FSIP1: variants seen among roughly 807,000 people sequenced by gnomAD.
The protein encoded by FSIP1 is fibrous sheath interacting protein 1.
In FSIP1, 65 loss-of-function variants were observed where a neutral mutation model predicts 60.9. The ratio of observed to expected loss-of-function variants is 1.07; its 90% CI spans 0.87 to 1.31. The LOEUF is 1.31. Among genes scored for constraint, FSIP1 ranks in the 40% most tolerant of loss-of-function variants. FSIP1 has a pLI of 0.00. For synonymous variants in FSIP1, 209 were observed against 221.2 expected, an observed-to-expected ratio of 0.94 and a Z score of 0.49; for missense variants, 675 against 665.5, an observed-to-expected ratio of 1.01 and a Z score of -0.16.
At chr15:39,687,131 CT>C (rs1257222795) in intron 10 of FSIP1, among the ~76,000 whole-genome samples, 2 of 46,302 alleles carry the variant, frequency 4.3e-5, no homozygotes, top group Non-Finnish European at 8.6e-5. Context: ...TCTTTCTTTT[CT>C]TTTCCTTTTT....
intron 10 of FSIP1, among the ~76,000 whole-genome samples, chr15:39,637,896 G>A (rs897734210): frequency 6.6e-6 from 1 of 152,166 alleles, no homozygotes; most frequent in African/African-American, 2.4e-5. Flanking sequence ...GCCAAAGTTG[G>A]AAAATTTTCA....
chr15:39,695,529 T>C (rs995933934), intron 10 of FSIP1, among the ~76,000 whole-genome samples: 5 of 152,184 alleles, frequency 3.3e-5, no homozygotes, highest in African/African-American at 1.2e-4. Flanking sequence ...GACACAAATT[T>C]AATGTTACTA....
intron 5 of FSIP1, among the ~76,000 whole-genome samples, chr15:39,758,154 A>T (rs1306310341): frequency 6.6e-6 from 1 of 152,074 alleles, no homozygotes; most frequent in African/African-American, 2.4e-5. Context: ...GTGAGCATAG[A>T]TTTAAGTCAA....
At chr15:39,648,033 G>C (rs949958547) in intron 10 of FSIP1, among the ~76,000 whole-genome samples, 1 of 151,656 alleles carries the variant, frequency 6.6e-6, no homozygotes, top group Non-Finnish European at 1.5e-5. Flanking sequence ...TGGGGGGAGC[G>C]GGGAGGGATA....
intron 11 of FSIP1, chr15:39,602,321 T>C (rs1804582095): frequency 2.2e-6 from 1 of 456,290 alleles, no homozygotes; most frequent in Non-Finnish European, 4.4e-6. Flanking sequence ...GGAAGAAGCA[T>C]GGAAGCGTTC....
chr15:39,654,424 T>C (rs963575901), intron 10 of FSIP1, among the ~76,000 whole-genome samples: 4 of 152,130 alleles, frequency 2.6e-5, no homozygotes, highest in Non-Finnish European at 5.9e-5. Flanking sequence ...TATAATCTTA[T>C]GGGACCACCG....
chr15:39,619,585 C>A (rs1891368695), intron 10 of FSIP1, among the ~76,000 whole-genome samples: 1 of 152,094 alleles, frequency 6.6e-6, no homozygotes, highest in Non-Finnish European at 1.5e-5. Flanking sequence ...CTTTTAGTCA[C>A]TAGGCATTTC....
chr15:39,617,753 G>C lies in FSIP1; in HGVS notation c.1681C>G (p.Pro561Ala), dbSNP rs766264299. ...SEDQHLKLSS[P>A]ENTIADEQET... Reference sequence around the variant, plus strand: ...GCCTCACCTGCTATTGTATTCTCTGGAGAACTGAGTTTCAGATGTTGGTCT... The same window carrying C: ...GCCTCACCTGCTATTGTATTCTCTGCAGAACTGAGTTTCAGATGTTGGTCT... Residue 561 changes from proline (P) to alanine (A), a missense_variant, in exon 11 of 12, where the codon CCA becomes GCA. Pro to Ala is a conservative substitution (Grantham distance 27). Coordinates refer to ENST00000350221, the MANE Select transcript of FSIP1 (RefSeq NM_152597.5). 1 of 1,613,288 alleles carries C rather than the reference G, an allele frequency of 6.2e-7. No homozygotes were observed.
chr15:39,732,201 T>A (rs144933921), intron 8 of FSIP1, among the ~76,000 whole-genome samples: 14 of 152,100 alleles, frequency 9.2e-5, no homozygotes, highest in Non-Finnish European at 5.9e-5. Context: ...ACAGCTCAGG[T>A]GGTAATGCTC....
intron 1 of FSIP1, among the ~76,000 whole-genome samples, chr15:39,777,824 T>C (rs1178234806): frequency 6.6e-6 from 1 of 152,216 alleles, no homozygotes; most frequent in Non-Finnish European, 1.5e-5. Context: ...GGCAATTGCC[T>C]CTACCCAACA....
intron 10 of FSIP1, among the ~76,000 whole-genome samples, chr15:39,688,122 T>G (rs1241210602): frequency 1.3e-5 from 2 of 152,326 alleles, no homozygotes; most frequent in South Asian, 2.1e-4. Context: ...TAGTCACTGC[T>G]GACAAAATCA....
chr15:39,600,894 A>G lies in FSIP1; in HGVS notation c.1732T>C (p.Cys578Arg), dbSNP rs1318236562. ...CAAGTCCTTGATTAGGGTTCTTTACATTCTTCTGCTGCATCTTTAGTCTCC... is the reference window on the plus strand; with the variant it reads ...CAAGTCCTTGATTAGGGTTCTTTACGTTCTTCTGCTGCATCTTTAGTCTCC... The part of the protein sequence containing the change: ...EQETKDAAEE[C>R]KEP The change falls in exon 12 of 12, where the codon TGT (cysteine) becomes CGT (arginine). Residue 578 changes from cysteine to arginine, a missense_variant. Coordinates refer to ENST00000350221, the MANE Select transcript of FSIP1 (RefSeq NM_152597.5). 1.2e-6 allele frequency: 2 copies of G among 1,610,544 alleles called. No homozygotes were observed. The highest frequency in any genetic ancestry group is 1.7e-6 in the Non-Finnish European group (2 of 1,178,860).
chr15:39,777,463 T>A (rs971492074), intron 1 of FSIP1, among the ~76,000 whole-genome samples: 1 of 152,192 alleles, frequency 6.6e-6, no homozygotes. Flanking sequence ...ACATTACCAA[T>A]CTATTTAACT....
chr15:39,765,501 C>T, intron 4 of FSIP1, 91 bp downstream of exon 4: 3 of 915,670 alleles, frequency 3.3e-6, no homozygotes, highest in Non-Finnish European at 3.2e-6. Flanking sequence ...GCCTCAGCCT[C>T]CCTAAGTGCT....
At chr15:39,745,699 G>C (rs1434363905) in intron 5 of FSIP1, among the ~76,000 whole-genome samples, 1 of 152,174 alleles carries the variant, frequency 6.6e-6, no homozygotes, top group Non-Finnish European at 1.5e-5. Flanking sequence ...GGAAACTGGA[G>C]TGTCTGGAGA....
chr15:39,693,089 AAAGTGCTGACT>A (rs1894670265), intron 10 of FSIP1, among the ~76,000 whole-genome samples: 1 of 152,262 alleles, frequency 6.6e-6, no homozygotes. Flanking sequence ...TGATGCCGCC[AAAGTGCTGACT>A]AAGAAATTTC....
chr15:39,698,683 G>A (rs1296568855), intron 10 of FSIP1, among the ~76,000 whole-genome samples: 1 of 152,214 alleles, frequency 6.6e-6, no homozygotes, highest in Non-Finnish European at 1.5e-5. Flanking sequence ...GTTTGCCAAT[G>A]CTGGTGGATG....
At chr15:39,740,984 C>T (rs748453209) in intron 6 of FSIP1, among the ~76,000 whole-genome samples, 6 of 151,946 alleles carry the variant, frequency 3.9e-5, no homozygotes, top group Middle Eastern at 6.3e-3. Flanking sequence ...TTAACAATCA[C>T]GTAATTATCT....
chr15:39,656,464 C>T (rs563874688), intron 10 of FSIP1, among the ~76,000 whole-genome samples: 4 of 152,316 alleles, frequency 2.6e-5, no homozygotes, highest in African/African-American at 9.6e-5. Context: ...AACCTCCTTC[C>T]TCTAAAACTA....
Sources: allele counts gnomAD v4.1 joint callset (sites outside exome capture counted in the v4.1 genomes callset), GRCh38; gene constraint gnomAD v4.1.1; transcripts MANE v1.5; gene names NCBI Gene and HGNC (gene_info 2026-07-23, HGNC 2026-07-21).